The following ABTB3 variants were observed in gnomAD, a reference collection of about 807,000 sequenced individuals.
ABTB3 encodes the protein ankyrin repeat- and BTB/POZ domain-containing protein 3.
chr12:107,544,039 C>G, the ABTB3 span: 2 of 1,614,008 alleles, frequency 1.2e-6, no homozygotes, highest in Non-Finnish European at 1.7e-6. Flanking sequence ...GTACTGGGAG[C>G]CCGAGGCCCT....
the ABTB3 span, chr12:107,520,591 G>A: frequency 2.5e-6 from 4 of 1,614,174 alleles, no homozygotes; most frequent in Admixed American, 5.0e-5. Flanking sequence ...GAGGACCATC[G>A]AGCAGTCTTT....
At chr12:107,488,325 G>C in the ABTB3 span, among the ~76,000 whole-genome samples, 1 of 152,054 alleles carries the variant, frequency 6.6e-6, no homozygotes, top group African/African-American at 2.4e-5. Flanking sequence ...TCTTCAAGCA[G>C]TATACTTTAA....
the ABTB3 span, among the ~76,000 whole-genome samples, chr12:107,389,814 G>T: frequency 1.3e-5 from 2 of 148,532 alleles, no homozygotes; most frequent in African/African-American, 5.0e-5. Flanking sequence ...CAAGTGTGAG[G>T]TCAGGTGGGA....
At chr12:107,608,895 A>AG in the ABTB3 span, among the ~76,000 whole-genome samples, 1 of 78,224 alleles carries the variant, frequency 1.3e-5, no homozygotes, top group African/African-American at 8.2e-5. Context: ...AAATAAAATA[A>AG]ATAAAATAAA....
the ABTB3 span, among the ~76,000 whole-genome samples, chr12:107,506,914 G>T: frequency 6.6e-6 from 1 of 152,230 alleles, no homozygotes; most frequent in African/African-American, 2.4e-5. Flanking sequence ...TGGAGAGTGG[G>T]ATTAGGTCCA....
At chr12:107,351,698 A>T in the ABTB3 span, among the ~76,000 whole-genome samples, 1 of 152,174 alleles carries the variant, frequency 6.6e-6, no homozygotes, top group African/African-American at 2.4e-5. Context: ...CCCTCACCAG[A>T]TGCAGCCCCT....
the ABTB3 span, among the ~76,000 whole-genome samples, chr12:107,373,628 A>T: frequency 2.0e-5 from 3 of 152,162 alleles, no homozygotes; most frequent in Non-Finnish European, 4.4e-5. Context: ...CAGCATATTC[A>T]TCCCACATCC....
the ABTB3 span, among the ~76,000 whole-genome samples, chr12:107,564,080 A>ATC: frequency 7.5e-6 from 1 of 133,534 alleles, no homozygotes; most frequent in Non-Finnish European, 1.6e-5. Flanking sequence ...CTCTCTCTCT[A>ATC]TCTATCTCTC....
chr12:107,604,626 C>T, the ABTB3 span, among the ~76,000 whole-genome samples: 1 of 152,040 alleles, frequency 6.6e-6, no homozygotes, highest in African/African-American at 2.4e-5. Flanking sequence ...AAAGTGTTGG[C>T]AAGAGTGTCA....
At chr12:107,332,055 G>A in the ABTB3 span, among the ~76,000 whole-genome samples, 1 of 152,230 alleles carries the variant, frequency 6.6e-6, no homozygotes, top group East Asian at 1.9e-4. Flanking sequence ...GAGCCTCGAG[G>A]GGCAGCTGGG....
chr12:107,646,292 C>A, the ABTB3 span, among the ~76,000 whole-genome samples: 1 of 152,206 alleles, frequency 6.6e-6, no homozygotes, highest in Non-Finnish European at 1.5e-5. Context: ...TAGGCCAGCC[C>A]AATTTAAATT....
the ABTB3 span, among the ~76,000 whole-genome samples, chr12:107,417,081 C>CT: frequency 8.5e-5 from 13 of 152,316 alleles, no homozygotes; most frequent in Admixed American, 1.3e-4. Flanking sequence ...TTTTCCCTGC[C>CT]TGGATCTTCT....
chr12:107,492,619 C>T, the ABTB3 span, among the ~76,000 whole-genome samples: 2 of 152,150 alleles, frequency 1.3e-5, no homozygotes, highest in African/African-American at 4.8e-5. Flanking sequence ...CCTTCACCTC[C>T]TTGTCATCTC....
chr12:107,582,901 G>A, the ABTB3 span, among the ~76,000 whole-genome samples: 1 of 152,174 alleles, frequency 6.6e-6, no homozygotes, highest in Non-Finnish European at 1.5e-5. Context: ...CAGGAAGCCC[G>A]GGACTGCTGG....
At chr12:107,338,399 A>C in the ABTB3 span, among the ~76,000 whole-genome samples, 2 of 152,186 alleles carry the variant, frequency 1.3e-5, no homozygotes, top group Non-Finnish European at 2.9e-5. Context: ...TTAGTATCCT[A>C]ATTCACACAA....
the ABTB3 span, among the ~76,000 whole-genome samples, chr12:107,652,625 C>T: frequency 3.0e-4 from 46 of 152,276 alleles, no homozygotes; most frequent in African/African-American, 1.1e-3. Context: ...CCCCCACCCC[C>T]GATGACCTCA....
the ABTB3 span, among the ~76,000 whole-genome samples, chr12:107,402,123 G>A: frequency 6.6e-6 from 1 of 152,136 alleles, no homozygotes; most frequent in African/African-American, 2.4e-5. Context: ...TCAATAAAGT[G>A]AATAAAGTGC....
the ABTB3 span, among the ~76,000 whole-genome samples, chr12:107,616,151 G>A: frequency 4.5e-4 from 68 of 152,314 alleles, no homozygotes; most frequent in African/African-American, 1.6e-3. Flanking sequence ...AACTAAGAAA[G>A]AAGGGGTCGG....
At chr12:107,613,650 T>C in the ABTB3 span, among the ~76,000 whole-genome samples, 1 of 152,148 alleles carries the variant, frequency 6.6e-6, no homozygotes, top group African/African-American at 2.4e-5. Flanking sequence ...ACTCAGTTAA[T>C]ATTGGTCCCT....
Sources: allele counts gnomAD v4.1 joint callset (sites outside exome capture counted in the v4.1 genomes callset), GRCh38; gene constraint gnomAD v4.1.1; transcripts MANE v1.5; gene names NCBI Gene and HGNC (gene_info 2026-07-23, HGNC 2026-07-21).